The following MAN1A2 variants were observed in gnomAD, a reference collection of about 807,000 sequenced individuals.
MAN1A2 encodes mannosyl-oligosaccharide 1,2-alpha-mannosidase IB.
Under a neutral mutation model 75.7 loss-of-function variants are expected in MAN1A2, and 26 were observed. The ratio of observed to expected loss-of-function variants is 0.34; its 90% CI spans 0.25 to 0.48. The LOEUF (loss-of-function observed/expected upper bound fraction) is 0.48. MAN1A2 is among the 20% of genes least tolerant of loss of function. MAN1A2 has a pLI of 0.99. For missense variants in MAN1A2, 562 were observed against 775.5 expected (o/e 0.72, Z 3.27); for synonymous variants, 247 against 264.6 (o/e 0.93, Z 0.65).
chr1:117,416,418 G>A (rs1032766331), intron 4 of MAN1A2, among the ~76,000 whole-genome samples: 1 of 152,090 alleles, frequency 6.6e-6, no homozygotes, highest in Non-Finnish European at 1.5e-5. Context: ...AAAACTGTGT[G>A]GAAATTTTGA....
At chr1:117,400,199 A>G (rs971932756) in intron 1 of MAN1A2, among the ~76,000 whole-genome samples, 1 of 151,788 alleles carries the variant, frequency 6.6e-6, no homozygotes, top group Non-Finnish European at 1.5e-5. Context: ...GTCTGTCTGT[A>G]GGGCCCGTGG....
intron 1 of MAN1A2, among the ~76,000 whole-genome samples, chr1:117,386,682 A>G (rs567410595): frequency 1.2e-5 from 1 of 80,398 alleles, no homozygotes; most frequent in East Asian, 2.2e-4. Flanking sequence ...AGCTCCAAAA[A>G]TGTTATTTTT....
chr1:117,513,119 C>T (rs999639784), intron 12 of MAN1A2, among the ~76,000 whole-genome samples: 4 of 152,106 alleles, frequency 2.6e-5, no homozygotes, highest in Non-Finnish European at 5.9e-5. Context: ...GTTCTACCCA[C>T]CCCCAAACTC....
chr1:117,429,400 C>T (rs1470609955), intron 5 of MAN1A2, among the ~76,000 whole-genome samples: 2 of 136,832 alleles, frequency 1.5e-5, no homozygotes, highest in African/African-American at 5.5e-5. Context: ...CGCCCCTCAC[C>T]TCCCGGACGG....
intron 8 of MAN1A2, among the ~76,000 whole-genome samples, chr1:117,472,733 G>A (rs1030523694): frequency 1.3e-5 from 2 of 151,944 alleles, no homozygotes; most frequent in South Asian, 4.2e-4. Context: ...ATGCCTTAGA[G>A]CAAGCTTGCC....
intron 8 of MAN1A2, among the ~76,000 whole-genome samples, chr1:117,481,257 A>G (rs1473538142): frequency 1.3e-5 from 2 of 151,616 alleles, no homozygotes; most frequent in African/African-American, 2.4e-5. Flanking sequence ...CTGTTTTTCA[A>G]TGCCATAGAT....
intron 3 of MAN1A2, among the ~76,000 whole-genome samples, chr1:117,408,714 GT>G (rs1647701412): frequency 6.6e-6 from 1 of 151,716 alleles, no homozygotes; most frequent in African/African-American, 2.4e-5. Flanking sequence ...TTTAGGATTG[GT>G]TTTATTTTTT....
chr1:117,422,440 G>T (rs1285281109), intron 5 of MAN1A2, among the ~76,000 whole-genome samples: 1 of 152,026 alleles, frequency 6.6e-6, no homozygotes, highest in African/African-American at 2.4e-5. Context: ...ATAGATTTCT[G>T]TGGGAAAATA....
intron 7 of MAN1A2, among the ~76,000 whole-genome samples, chr1:117,464,965 A>G (rs1320954596): frequency 6.6e-6 from 1 of 152,206 alleles, no homozygotes; most frequent in Non-Finnish European, 1.5e-5. Flanking sequence ...AATTGTGGGC[A>G]CAAAATACGT....
At chr1:117,420,238 A>G (rs778843127) in intron 4 of MAN1A2, among the ~76,000 whole-genome samples, 2 of 152,086 alleles carry the variant, frequency 1.3e-5, no homozygotes, top group Non-Finnish European at 2.9e-5. Flanking sequence ...TTCTAGAATC[A>G]TGACCCAGAA....
intron 8 of MAN1A2, among the ~76,000 whole-genome samples, chr1:117,475,676 C>T (rs1022279226): frequency 2.0e-5 from 3 of 152,034 alleles, no homozygotes; most frequent in Admixed American, 2.0e-4. Flanking sequence ...CAACCATGTC[C>T]CTGCAAAGGA....
chr1:117,388,118 G>C (rs1001604642), intron 1 of MAN1A2, among the ~76,000 whole-genome samples: 17 of 152,034 alleles, frequency 1.1e-4, no homozygotes, highest in Admixed American at 2.0e-4. Context: ...AACAAACCAG[G>C]TAAATCTAGG....
rs190025508 is a variant in MAN1A2 at position 117,386,545 on chromosome 1, G to C, written c.303-15641G>C. ...AAAAACCAGGTTATATGGCTATCTT[G>C]GTGAAGGACTAAAAGTTATTACTAG... On this transcript the variant is annotated intron_variant, in intron 1 of 12. Transcript: ENST00000356554. Among the ~76,000 whole-genome samples, 4 of 152,126 alleles carry C rather than the reference G, an allele frequency of 2.6e-5. No homozygotes were observed. The East Asian group carries it at 7.7e-4, about 29-fold the overall frequency.
chr1:117,514,375 A>G (rs1334826164), intron 12 of MAN1A2, among the ~76,000 whole-genome samples: 1 of 146,812 alleles, frequency 6.8e-6, no homozygotes, highest in Non-Finnish European at 1.5e-5. Context: ...AAAAAAAAAA[A>G]GAAGAAAAAG....
intron 1 of MAN1A2, among the ~76,000 whole-genome samples, chr1:117,380,881 T>C (rs554933158): frequency 3.4e-4 from 52 of 152,332 alleles, no homozygotes; most frequent in Middle Eastern, 3.4e-3. Flanking sequence ...GAATATTGGC[T>C]TTTCAATTTC....
Position 117,442,306 on chromosome 1 carries a change from G to GA in MAN1A2, c.931_932insA (p.Ala311AspfsTer20). On this transcript the variant is annotated frameshift_variant, in exon 6 of 13. Transcript: ENST00000356554. LOFTEE classifies it high-confidence loss of function. ...TAACACACCTACTGGGATTCCTTGG[G>GA]CAATGGTGAATTTGAAAAGGTAACT... The GA allele has an allele frequency of 6.2e-7, 1 of 1,609,554 alleles. No homozygotes were observed. Among genetic ancestry groups the GA allele is most frequent in the Non-Finnish European group, 8.5e-7 (1 of 1,176,032 alleles).
intron 8 of MAN1A2, among the ~76,000 whole-genome samples, chr1:117,468,037 G>A (rs1418406562): frequency 6.6e-6 from 1 of 152,084 alleles, no homozygotes; most frequent in Non-Finnish European, 1.5e-5. Context: ...GTTAACCTCT[G>A]TATTAGTCTG....
chr1:117,414,812 A>C lies in MAN1A2; in HGVS notation c.755A>C (p.Asp252Ala). 7 of 1,599,270 alleles carry C rather than the reference A, an allele frequency of 4.4e-6. No individual in the cohort carries two copies. Among genetic ancestry groups the C allele is most frequent in the Non-Finnish European group, 6.0e-6 (7 of 1,167,140 alleles). The change falls in exon 4 of 13, where the codon GAC becomes GCC. Residue 252 changes from aspartate (D) to alanine (A), a missense_variant. Coordinates refer to ENST00000356554, the MANE Select transcript of MAN1A2 (RefSeq NM_006699.5). ...EFLDGQRWIE[D>A]NLDFSVNSEV... The stretch of plus-strand genomic sequence containing the variant: ...CTAGATGGGCAAAGATGGATTGAAG[A>C]CAACCTTGATTTCAGTGTGGTGAGT...
chr1:117,520,946 C>G (rs1651851392), intron 12 of MAN1A2, among the ~76,000 whole-genome samples: 1 of 152,044 alleles, frequency 6.6e-6, no homozygotes, highest in African/African-American at 2.4e-5. Flanking sequence ...ACCAAAACAG[C>G]ATGATACTTG....
Sources: allele counts gnomAD v4.1 joint callset (sites outside exome capture counted in the v4.1 genomes callset), GRCh38; gene constraint gnomAD v4.1.1; transcripts MANE v1.5; gene names NCBI Gene and HGNC (gene_info 2026-07-23, HGNC 2026-07-21).